The following SESTD1 variants were observed in gnomAD, a reference collection of about 807,000 sequenced individuals.
SESTD1 encodes the protein SEC14 and spectrin domain containing 1, also known as SEC14 domain and spectrin repeat-containing protein 1.
SESTD1 carries 43 observed loss-of-function variants against 101.7 expected under a neutral mutation model. That is an observed-to-expected ratio of 0.42 (90% CI 0.33 to 0.55). The LOEUF (loss-of-function observed/expected upper bound fraction) is 0.55, where lower values mean the gene tolerates loss of function less well. SESTD1 is among the 20% of genes least tolerant of loss of function. The probability of loss-of-function intolerance (pLI) is 0.07; values close to 1 mark genes in which losing one functional copy is unlikely to be tolerated. For missense variants in SESTD1, 647 were observed against 815.1 expected (o/e 0.79, Z 2.51); for synonymous variants, 283 against 286.8 (o/e 0.99, Z 0.13).
At chr2:179,116,420 TTAAAAATGCCG>T (rs1203401954) in intron 15 of SESTD1, among the ~76,000 whole-genome samples, 5 of 152,180 alleles carry the variant, frequency 3.3e-5, no homozygotes, top group African/African-American at 4.8e-5. Context: ...TTGGATTGCC[TTAAAAATGCCG>T]TAATACATAG....
At chr2:179,244,647 T>A (rs1467156083) in intron 1 of SESTD1, among the ~76,000 whole-genome samples, 1 of 152,186 alleles carries the variant, frequency 6.6e-6, no homozygotes, top group Non-Finnish European at 1.5e-5. Flanking sequence ...CCAACATACA[T>A]ACCTCAAAAG....
Position 179,109,361 on chromosome 2 carries a change from C to T in SESTD1, c.*538G>A, listed in dbSNP as rs1365363597. On this transcript the variant is annotated 3_prime_UTR_variant, in exon 18 of 18. Transcript: ENST00000428443. ...AACAACTTTTAATACATTATCAATA[C>T]AAATAGGAAAAGGTCTTTTAATGAC... 1 of 195,950 alleles carries T rather than the reference C, an allele frequency of 5.1e-6. No individual in the cohort carries two copies. Among genetic ancestry groups the T allele is most frequent in the Non-Finnish European group, 1.0e-5 (1 of 97,252 alleles). 12.1% of individuals were successfully genotyped at this position (195,950 alleles called of 1,614,324 possible). A position where few individuals can be genotyped will look rare whatever the true frequency, so the allele number is the denominator to read the frequency against.
intron 1 of SESTD1, among the ~76,000 whole-genome samples, chr2:179,197,913 A>C (rs1326900792): frequency 6.6e-6 from 1 of 152,138 alleles, no homozygotes; most frequent in Non-Finnish European, 1.5e-5. Context: ...AACGAGCAAA[A>C]TAACCAGCTA....
intron 1 of SESTD1, among the ~76,000 whole-genome samples, chr2:179,196,564 C>T (rs925773318): frequency 6.6e-6 from 1 of 152,236 alleles, no homozygotes; most frequent in Non-Finnish European, 1.5e-5. Flanking sequence ...CCCTGTCTGA[C>T]AGCTTTGAAG....
At chr2:179,237,298 T>C (rs2047082632) in intron 1 of SESTD1, among the ~76,000 whole-genome samples, 1 of 152,160 alleles carries the variant, frequency 6.6e-6, no homozygotes, top group African/African-American at 2.4e-5. Context: ...GCTTTTCCTG[T>C]CTTCTTGTGT....
chr2:179,174,770 G>C (rs528804161), intron 4 of SESTD1, among the ~76,000 whole-genome samples: 1 of 152,010 alleles, frequency 6.6e-6, no homozygotes, highest in Non-Finnish European at 1.5e-5. Flanking sequence ...AGACCAGCTG[G>C]AGCAATATAG....
At position 179,143,750 on chromosome 2, in the gene SESTD1, C is replaced by G. The variant is rs1383445345; in HGVS notation, c.691G>C (p.Gly231Arg). ...TCATCCATAGGAGACCATGAAACCC[C>G]TCCGTCTGAGCCATTAAATCGACGC... is the stretch of plus-strand genomic sequence containing the variant. Reference protein sequence around the residue: ...QQRRFNGSDGGVSWSPMDDEL... With the variant: ...QQRRFNGSDGRVSWSPMDDEL... The change falls in exon 9 of 18, where the codon GGG (glycine) becomes CGG (arginine). Residue 231 changes from glycine (G) to arginine (R), a missense_variant. Physicochemically the swap from Gly to Arg is moderately radical, Grantham distance 125 (BLOSUM62 -2). Transcript: ENST00000428443. The G allele has an allele frequency of 6.2e-7, 1 of 1,613,974 alleles. No individual in the cohort carries two copies. Among genetic ancestry groups the G allele is most frequent in the African/African-American group, 1.3e-5 (1 of 75,036 alleles).
Position 179,231,718 on chromosome 2 carries a change from TAA to T in SESTD1, c.-26+32779_-26+32780del, listed in dbSNP as rs35589081. Reference sequence around the variant, plus strand: ...CCTAAAACAGTATAGACCAAAAAGCTAAAAAAAAAAAAAAATTTAAAAAATTT... The same window carrying T: ...CCTAAAACAGTATAGACCAAAAAGCTAAAAAAAAAAAAATTTAAAAAATTT... On this transcript the variant is annotated intron_variant, in intron 1 of 17. Transcript: ENST00000428443. Among the ~76,000 whole-genome samples, 183 of 102,992 alleles carry T rather than the reference TAA, an allele frequency of 1.8e-3. 1 individual carries two copies. The highest frequency in any genetic ancestry group is 4.4e-3 in the Admixed American group (45 of 10,128). The allele number at this position is 102,992 out of a possible 152,430, so 67.6% of individuals were successfully genotyped here.
At chr2:179,219,893 T>C (rs2046788797) in intron 1 of SESTD1, among the ~76,000 whole-genome samples, 1 of 152,190 alleles carries the variant, frequency 6.6e-6, no homozygotes, top group Admixed American at 6.5e-5. Flanking sequence ...CTAAATTAAT[T>C]TGAAAGTTAA....
intron 1 of SESTD1, among the ~76,000 whole-genome samples, chr2:179,243,944 G>GTGTGTA (rs1336956380): frequency 2.2e-5 from 3 of 139,370 alleles, no homozygotes; most frequent in African/African-American, 8.4e-5. Context: ...ATATGTGTGT[G>GTGTGTA]TATATATATA....
rs138174982 is a variant in SESTD1 at position 179,117,590 on chromosome 2, C to T, written c.1466G>A (p.Arg489Gln). Reference protein sequence around the residue: ...KQRCEDMVDVRRLKMLQMVQL... With the variant: ...KQRCEDMVDVQRLKMLQMVQL... Reference sequence around the variant, plus strand: ...CACCATCTGAAGCATCTTTAACCTTCGCACATCTACCATGTCTTCACATCT... The same window carrying T: ...CACCATCTGAAGCATCTTTAACCTTTGCACATCTACCATGTCTTCACATCT... The change falls in exon 14 of 18, where the codon CGA becomes CAA. Residue 489 changes from arginine (R) to glutamine (Q), a missense_variant. Arg to Gln is a conservative substitution (Grantham distance 43, BLOSUM62 1). Around this residue, in one of 3 missense-constraint regions of SESTD1, gnomAD observed 476 missense variants for 562.6 expected, o/e 0.85. Transcript: ENST00000428443. 9 of 1,582,250 alleles carry T rather than the reference C, an allele frequency of 5.7e-6. No homozygotes were observed. The highest frequency in any genetic ancestry group is 2.8e-5 in the African/African-American group (2 of 72,726).
intron 7 of SESTD1, among the ~76,000 whole-genome samples, chr2:179,146,904 GGTGTGTGTGTGTGTGT>G (rs71023470): frequency 4.1e-5 from 6 of 145,418 alleles, no homozygotes; most frequent in Non-Finnish European, 9.2e-5. Flanking sequence ...ATATTCCAGG[GGTGTGTGTGTGTGTGT>G]GTGTGTGTGT....
At chr2:179,166,233 G>A (rs2045831917) in intron 5 of SESTD1, among the ~76,000 whole-genome samples, 1 of 152,112 alleles carries the variant, frequency 6.6e-6, no homozygotes, top group Non-Finnish European at 1.5e-5. Context: ...GGAGTCATGA[G>A]AAAGACTGGA....
chr2:179,124,145 C>T (rs891885184), intron 11 of SESTD1, among the ~76,000 whole-genome samples: 2 of 151,948 alleles, frequency 1.3e-5, no homozygotes, highest in Non-Finnish European at 2.9e-5. Flanking sequence ...GATTGGAACA[C>T]TCTAGTTAGA....
rs192506505 is a variant in SESTD1, at chr2:179,216,891, C to A, written c.-25-25025G>T. Among the ~76,000 whole-genome samples, 251 of 142,602 alleles carry A rather than the reference C, an allele frequency of 1.8e-3. 7 individuals are homozygous for A. Among genetic ancestry groups the A allele is most frequent in the African/African-American group, 6.4e-3 (239 of 37,236 alleles). 93.6% of individuals were successfully genotyped at this position (142,602 alleles called of 152,430 possible). On this transcript the variant is annotated intron_variant, in intron 1 of 17. Coordinates refer to ENST00000428443, the MANE Select transcript of SESTD1 (RefSeq NM_178123.5). ...AAAACAAGAAATGGGGAAAGGATTC[C>A]CTATTTAATAAATGGTGCTGGGAAA...
At chr2:179,115,019 T>C (rs1257898541) in intron 16 of SESTD1, 46 bp downstream of exon 16, 5 of 1,511,506 alleles carry the variant, frequency 3.3e-6, no homozygotes, top group Non-Finnish European at 4.5e-6. Context: ...TTTAAACACA[T>C]ATAATCAATA....
chr2:179,229,641 A>C (rs1382608462), intron 1 of SESTD1, among the ~76,000 whole-genome samples: 1 of 151,754 alleles, frequency 6.6e-6, no homozygotes. Context: ...TAAAAAGAAA[A>C]TAATGTGTGT....
At chr2:179,259,944 T>C (rs898160554) in intron 1 of SESTD1, among the ~76,000 whole-genome samples, 8 of 152,196 alleles carry the variant, frequency 5.3e-5, no homozygotes, top group African/African-American at 1.9e-4. Context: ...TTAGATACCA[T>C]TGTCTACCAG....
At chr2:179,259,238 T>C (rs2047445080) in intron 1 of SESTD1, among the ~76,000 whole-genome samples, 2 of 152,166 alleles carry the variant, frequency 1.3e-5, no homozygotes, top group Admixed American at 1.3e-4. Flanking sequence ...AGCTTTTTGT[T>C]TGTTTGTTTT....
Sources: allele counts gnomAD v4.1 joint callset (sites outside exome capture counted in the v4.1 genomes callset), GRCh38; gene constraint gnomAD v4.1.1; regional missense constraint gnomAD v4.1.1; transcripts MANE v1.5; gene names NCBI Gene and HGNC (gene_info 2026-07-23, HGNC 2026-07-21).